Variants in MCF2 observed in about 807,000 individuals in gnomAD.
MCF2 encodes the protein proto-oncogene DBL.
Under a neutral mutation model 82.5 loss-of-function variants are expected in MCF2, and 44 were observed. The ratio of observed to expected loss-of-function variants is 0.53; its 90% CI spans 0.42 to 0.69. The LOEUF is 0.69. MCF2 is among the 30% of genes least tolerant of loss of function. The pLI is 0.00. For synonymous variants in MCF2, 217 were observed against 224.9 expected, an observed-to-expected ratio of 0.96 and a Z score of 0.32; for missense variants, 623 against 663.1, an observed-to-expected ratio of 0.94 and a Z score of 0.66.
chrX:139,698,572 G>A (rs1935425653), intron 1 of MCF2, among the ~76,000 whole-genome samples: 1 of 112,148 alleles, frequency 8.9e-6, no homozygotes, highest in Admixed American at 9.5e-5. Context: ...AGATGACCAA[G>A]TTAAACAGCT....
At chrX:139,670,696 T>C (rs1934659940) in intron 1 of MCF2, among the ~76,000 whole-genome samples, 1 of 112,313 alleles carries the variant, frequency 8.9e-6, no homozygotes, top group African/African-American at 3.2e-5. Flanking sequence ...CCAAATTTTC[T>C]TAATCCAGTC....
At chrX:139,594,247 A>C (rs1286056974) in intron 19 of MCF2, among the ~76,000 whole-genome samples, 1 of 110,322 alleles carries the variant, frequency 9.1e-6, no homozygotes, top group Non-Finnish European at 1.9e-5. Flanking sequence ...TATGGAACCA[A>C]AAAAGAGCCC....
chrX:139,609,681 T>C (rs1931351402), intron 11 of MCF2, among the ~76,000 whole-genome samples: 1 of 111,153 alleles, frequency 9.0e-6, no homozygotes, highest in Admixed American at 9.6e-5. Flanking sequence ...AGTAAGTAGA[T>C]TGGGCACAGT....
chrX:139,592,006 A>T (rs1201231751), intron 19 of MCF2, among the ~76,000 whole-genome samples: 1 of 111,278 alleles, frequency 9.0e-6, no homozygotes, highest in Non-Finnish European at 1.9e-5. Context: ...TAACACATTG[A>T]CTAGGAATGC....
chrX:139,707,101 A>C (rs1047375606), intron 1 of MCF2, among the ~76,000 whole-genome samples: 22 of 110,546 alleles, frequency 2.0e-4, no homozygotes, highest in African/African-American at 7.2e-4. Context: ...TGAAAAAAGA[A>C]GGATGGAGGG....
At chrX:139,588,902 C>T (rs2148393908) in intron 20 of MCF2, among the ~76,000 whole-genome samples, 1 of 109,534 alleles carries the variant, frequency 9.1e-6, no homozygotes, top group African/African-American at 3.3e-5. Flanking sequence ...TGCACTCCAG[C>T]CTGAGCAACA....
intron 1 of MCF2, among the ~76,000 whole-genome samples, chrX:139,678,616 TAA>T (rs1934929899): frequency 9.0e-6 from 1 of 111,421 alleles, no homozygotes; most frequent in Admixed American, 9.6e-5. Flanking sequence ...TAAAAGATTA[TAA>T]GTCAATAATA....
chrX:139,641,167 A>AAT lies in MCF2; in HGVS notation c.51+1299_51+1300dup, dbSNP rs200470729. On this transcript the variant is annotated intron_variant, in intron 1 of 24. Transcript: ENST00000370576. ...ACATAAAACTAAGTTCAGCACTGAG[A>AAT]ATATATATATATATAAATATATATA... Among the ~76,000 whole-genome samples, 492 of 105,524 alleles carry AAT rather than the reference A, an allele frequency of 4.7e-3. 3 individuals carry two copies. Among genetic ancestry groups the AAT allele is most frequent in the African/African-American group, 0.015 (451 of 29,362 alleles). 91.6% of individuals were successfully genotyped at this position (105,524 alleles called of 115,157 possible).
chrX:139,625,034 A>C (rs1932678638), intron 6 of MCF2, among the ~76,000 whole-genome samples: 1 of 111,333 alleles, frequency 9.0e-6, no homozygotes, highest in African/African-American at 3.3e-5. Context: ...TTTTTCTTAT[A>C]TTTGCCATTT....
At chrX:139,630,421 G>A (rs957449940) in intron 3 of MCF2, among the ~76,000 whole-genome samples, 4 of 111,506 alleles carry the variant, frequency 3.6e-5, no homozygotes, top group Admixed American at 9.5e-5. Context: ...TGGTAAGTAC[G>A]GTTTTGTTGT....
At chrX:139,707,761 G>A (rs752633972) in intron 1 of MCF2, among the ~76,000 whole-genome samples, 3 of 111,678 alleles carry the variant, frequency 2.7e-5, no homozygotes, top group African/African-American at 9.8e-5. Flanking sequence ...AATAGTTCCA[G>A]GTTTACAGTG....
chrX:139,586,536 G>A (rs1351160678), intron 22 of MCF2, 49 bp from the exon 27 acceptor site: 1 of 888,525 alleles, frequency 1.1e-6, no homozygotes, highest in South Asian at 2.2e-5. Context: ...CAGTTTACAA[G>A]TAAAAAGAAA....
exon 17 of MCF2, chrX:139,598,439 C>T: frequency 3.4e-6 from 4 of 1,171,302 alleles, no homozygotes; most frequent in Non-Finnish European, 4.6e-6. Flanking sequence ...TGATTCGTTG[C>T]ACTGGTTTGA....
chrX:139,706,888 A>T (rs1004624563), intron 1 of MCF2, among the ~76,000 whole-genome samples: 5 of 109,497 alleles, frequency 4.6e-5, no homozygotes, highest in African/African-American at 1.3e-4. Context: ...TTTCAGACAT[A>T]ATTATTATTA....
At chrX:139,637,125 C>A (rs1933272739) in intron 1 of MCF2, among the ~76,000 whole-genome samples, 1 of 111,425 alleles carries the variant, frequency 9.0e-6, no homozygotes, top group Non-Finnish European at 1.9e-5. Flanking sequence ...GTTTATAGTA[C>A]AATTTTATAA....
At chrX:139,607,018 C>T (rs191488513) in intron 12 of MCF2, among the ~76,000 whole-genome samples, 35 of 110,865 alleles carry the variant, frequency 3.2e-4, no homozygotes, top group African/African-American at 1.1e-3. Flanking sequence ...TAACAATGAA[C>T]AAAACAATTA....
exon 4 of MCF2, chrX:139,629,737 T>C (rs1932859954): frequency 8.3e-7 from 1 of 1,205,209 alleles, no homozygotes. Context: ...CCAGAATTTC[T>C]TCTATTGAGG....
Position 139,585,181 on chromosome X carries a change from A to G in MCF2, c.2633-3T>C, listed in dbSNP as rs771258765. 8.8e-7 allele frequency: 1 copy of G among 1,130,865 alleles called. No individual in the cohort carries two copies. The highest frequency in any genetic ancestry group is 2.3e-5 in the Admixed American group (1 of 43,750). 93.2% of individuals were successfully genotyped at this position (1,130,865 alleles called of 1,213,427 possible). ...AGATTGTGATGCCTCAGTCCAAACT[A>G]TAAGAAAAGTGTGGAATGTGGCAGT... On this transcript the variant is annotated splice_region_variant and splice_polypyrimidine_tract_variant and intron_variant, in intron 23 of 24. Transcript: ENST00000370576.
intron 1 of MCF2, among the ~76,000 whole-genome samples, chrX:139,636,770 T>A (rs927344958): frequency 8.9e-6 from 1 of 111,812 alleles, no homozygotes; most frequent in African/African-American, 3.2e-5. Context: ...GGAAGTGATT[T>A]TAAGCAGGGG....
Sources: gnomAD v4.1 joint callset for allele counts (sites outside exome capture counted in the v4.1 genomes callset) on GRCh38, gnomAD v4.1.1 for gene constraint, MANE v1.5 for transcripts, NCBI Gene and HGNC (gene_info 2026-07-23, HGNC 2026-07-21) for gene names.